The following AGT variants were observed in gnomAD, a reference collection of about 807,000 sequenced individuals.
AGT encodes alpha-1 antiproteinase, antitrypsin.
Under a neutral mutation model 28.1 loss-of-function variants are expected in AGT, and 26 were observed. That is an observed-to-expected ratio of 0.92 (90% confidence interval 0.68 to 1.28). The LOEUF (loss-of-function observed/expected upper bound fraction) is 1.28. Ranked by LOEUF, AGT falls within the 50% of genes most tolerant of loss-of-function variation. The pLI is 0.00. For synonymous variants in AGT, 259 were observed against 259.6 expected, an observed-to-expected ratio of 1.00 and a Z score of 0.02; for missense variants, 596 against 592.3, an observed-to-expected ratio of 1.01 and a Z score of -0.06.
intron 1 of AGT, among the ~76,000 whole-genome samples, chr1:230,728,534 C>T (rs758610894): frequency 6.6e-6 from 1 of 152,176 alleles, no homozygotes; most frequent in Non-Finnish European, 1.5e-5. Context: ...AATTTGCTCA[C>T]CGTTATAATT....
At chr1:230,708,799 T>C (rs1209471403) in intron 2 of AGT, among the ~76,000 whole-genome samples, 1 of 152,136 alleles carries the variant, frequency 6.6e-6, no homozygotes, top group Non-Finnish European at 1.5e-5. Flanking sequence ...CAATCCTCCC[T>C]GCCTCCAGTC....
At chr1:230,705,883 G>A in intron 3 of AGT, 50 bp downstream of exon 3, 1 of 1,608,496 alleles carries the variant, frequency 6.2e-7, no homozygotes. Flanking sequence ...CCCCAGCCTG[G>A]GCAGGACAGT....
intron 2 of AGT, among the ~76,000 whole-genome samples, chr1:230,706,712 C>T (rs891371467): frequency 2.6e-5 from 4 of 152,200 alleles, no homozygotes; most frequent in African/African-American, 7.2e-5. Context: ...CTCACACCAG[C>T]GTGGCCCATT....
At chr1:230,725,085 A>G (rs1323054916) in intron 1 of AGT, among the ~76,000 whole-genome samples, 2 of 152,236 alleles carry the variant, frequency 1.3e-5, no homozygotes, top group East Asian at 3.8e-4. Context: ...TCAGAAATAA[A>G]AATAGAAAAT....
chr1:230,716,311 G>T (rs1663733427), upstream of AGT, among the ~76,000 whole-genome samples: 1 of 152,238 alleles, frequency 6.6e-6, no homozygotes, highest in South Asian at 2.1e-4. Flanking sequence ...TTTCTTCCCA[G>T]TAGGCACCTT....
chr1:230,728,305 A>G (rs1440220551), intron 1 of AGT, among the ~76,000 whole-genome samples: 2 of 152,216 alleles, frequency 1.3e-5, no homozygotes, highest in African/African-American at 2.4e-5. Context: ...AACTATGTCT[A>G]CATCTCAGCA....
intron 1 of AGT, among the ~76,000 whole-genome samples, chr1:230,740,757 T>C (rs1363723004): frequency 6.6e-6 from 1 of 152,204 alleles, no homozygotes; most frequent in African/African-American, 2.4e-5. Context: ...AAGACCATCC[T>C]GGCCAACATG....
intron 1 of AGT, among the ~76,000 whole-genome samples, chr1:230,737,898 C>CA (rs757482240): frequency 1.3e-5 from 2 of 152,160 alleles, no homozygotes; most frequent in Non-Finnish European, 2.9e-5. Flanking sequence ...CACTTCACCC[C>CA]ATCCCCAGCC....
rs368547612 is a variant in AGT at position 230,744,983 on chromosome 1, G to A, written c.-31+532C>T. Among the ~76,000 whole-genome samples, 25 of 152,300 alleles carry A rather than the reference G, an allele frequency of 1.6e-4. No homozygotes were observed. The South Asian group carries it at 4.1e-3, about 25-fold the overall frequency. ...ATTGCCACACCTGTCTCCCTAGGTT[G>A]CCCTCCTTAATCACTTCGAAACAGA... On this transcript the variant is annotated intron_variant, in intron 1 of 4. Coordinates refer to the AGT transcript ENST00000681269.
At chr1:230,736,735 A>T (rs1664163509) in intron 1 of AGT, among the ~76,000 whole-genome samples, 1 of 152,098 alleles carries the variant, frequency 6.6e-6, no homozygotes, top group South Asian at 2.1e-4. Context: ...CAATTCTTCT[A>T]GCAGCACTTT....
chr1:230,710,911 T>C (rs1359164278), intron 1 of AGT, 58 bp from the exon 2 acceptor site: 3 of 1,568,552 alleles, frequency 1.9e-6, no homozygotes, highest in Non-Finnish European at 2.6e-6. Context: ...TTAAGTGCCA[T>C]CTAACCAGAT....
upstream of AGT, among the ~76,000 whole-genome samples, chr1:230,716,309 C>T (rs1329911001): frequency 6.6e-6 from 1 of 152,232 alleles, no homozygotes; most frequent in Admixed American, 6.5e-5. Flanking sequence ...GTTTTCTTCC[C>T]AGTAGGCACC....
intron 1 of AGT, among the ~76,000 whole-genome samples, chr1:230,719,987 G>T (rs990942674): frequency 3.3e-5 from 5 of 152,142 alleles, no homozygotes; most frequent in African/African-American, 1.2e-4. Flanking sequence ...TCCCTGAGAT[G>T]GCTTTAAGGC....
chr1:230,713,543 C>T (rs566751532), intron 1 of AGT, among the ~76,000 whole-genome samples: 3 of 152,300 alleles, frequency 2.0e-5, no homozygotes, highest in African/African-American at 7.2e-5. Context: ...TACCAGAGCC[C>T]CTGAGACAGG....
chr1:230,721,285 A>G (rs1663838674), intron 1 of AGT, among the ~76,000 whole-genome samples: 2 of 152,234 alleles, frequency 1.3e-5, no homozygotes, highest in Admixed American at 6.5e-5. Context: ...GAGACAAAAC[A>G]GCCATTTTGC....
intron 3 of AGT, among the ~76,000 whole-genome samples, chr1:230,704,657 T>C (rs879542449): frequency 1.1e-4 from 16 of 152,254 alleles, no homozygotes; most frequent in Admixed American, 7.2e-4. Context: ...TTAAATGCTA[T>C]TCTCTGAAAT....
intron 1 of AGT, among the ~76,000 whole-genome samples, chr1:230,722,714 C>G (rs1475490357): frequency 6.6e-6 from 1 of 152,168 alleles, no homozygotes; most frequent in African/African-American, 2.4e-5. Flanking sequence ...TGTAGCCCTT[C>G]TGTTTTGGCC....
Position 230,710,814 on chromosome 1 carries a change from C to G in AGT, c.10G>C (p.Ala4Pro), listed in dbSNP as rs1043140445. 4 of 1,613,886 alleles carry G rather than the reference C, an allele frequency of 2.5e-6. No individual in the cohort carries two copies. The highest frequency in any genetic ancestry group is 2.5e-6 in the Non-Finnish European group (3 of 1,180,032). The change falls in exon 2 of 5, where the codon GCC becomes CCC. Residue 4 changes from alanine to proline, a missense_variant. Coordinates refer to ENST00000366667, the MANE Select transcript of AGT (RefSeq NM_001384479.1). ...ATGGTGGCCCTCAGGCTCACACCGG[C>G]AGGAGCCATCTCAGACTGGGGTGCT... MAP[A>P]GVSLRATILC...
intron 1 of AGT, among the ~76,000 whole-genome samples, chr1:230,730,900 C>A (rs907095955): frequency 7.9e-5 from 12 of 152,188 alleles, no homozygotes; most frequent in African/African-American, 2.9e-4. Context: ...CTACATGCCC[C>A]TTTTGAGCTA....
Sources: gnomAD v4.1 joint callset for allele counts (sites outside exome capture counted in the v4.1 genomes callset) on GRCh38, gnomAD v4.1.1 for gene constraint, MANE v1.5 for transcripts, NCBI Gene and HGNC (gene_info 2026-07-23, HGNC 2026-07-21) for gene names.